EBF1: variants seen among roughly 807,000 people sequenced by gnomAD.
EBF1 encodes the protein EBF transcription factor 1, also known as transcription factor COE1.
A neutral mutation model predicts 68.4 loss-of-function variants in EBF1; 10 were observed. The observed-to-expected ratio is 0.15, with a 90% CI of 0.09 to 0.25. The LOEUF is 0.25. Ranked by LOEUF, EBF1 falls within the 10% of genes least tolerant of loss-of-function variation. The pLI is 1.00. For synonymous variants in EBF1, 298 were observed against 299.8 expected (o/e 0.99, Z 0.06); for missense variants, 509 against 794.4 (o/e 0.64, Z 4.32).
At chr5:159,025,799 C>G (rs17056426) in intron 6 of EBF1, among the ~76,000 whole-genome samples, 7,751 of 152,258 alleles carry the variant, frequency 0.051, 575 homozygotes, top group East Asian at 0.33. Flanking sequence ...TTCCTGCTAA[C>G]TACTGTCACC....
chr5:158,927,530 A>T (rs543186385), intron 6 of EBF1, among the ~76,000 whole-genome samples: 1 of 152,222 alleles, frequency 6.6e-6, no homozygotes, highest in Non-Finnish European at 1.5e-5. Context: ...ACCATTATTC[A>T]TTCTAATAAT....
chr5:159,004,808 G>A (rs1053433855), intron 6 of EBF1, among the ~76,000 whole-genome samples: 1 of 152,146 alleles, frequency 6.6e-6, no homozygotes, highest in African/African-American at 2.4e-5. Flanking sequence ...ATAAGCTTGA[G>A]GTGGAAGTGG....
chr5:158,701,471 C>G (rs183512607), intron 15 of EBF1, among the ~76,000 whole-genome samples: 2 of 152,256 alleles, frequency 1.3e-5, no homozygotes, highest in African/African-American at 4.8e-5. Context: ...GCAAAGCTAA[C>G]TGATGTACCA....
chr5:158,900,958 A>C (rs1438119746), intron 6 of EBF1, among the ~76,000 whole-genome samples: 1 of 149,480 alleles, frequency 6.7e-6, no homozygotes, highest in Non-Finnish European at 1.5e-5. Flanking sequence ...TCTACAAAAA[A>C]CCTTAGAGAT....
At chr5:159,030,961 T>C (rs1768689466) in intron 6 of EBF1, among the ~76,000 whole-genome samples, 1 of 151,964 alleles carries the variant, frequency 6.6e-6, no homozygotes, top group Non-Finnish European at 1.5e-5. Flanking sequence ...TTACCTGAGG[T>C]TGGGAGTTCA....
Position 159,031,655 on chromosome 5 carries a change from C to T in EBF1, c.554+41741G>A, listed in dbSNP as rs1007074407. The stretch of plus-strand genomic sequence containing the variant: ...CATGCATTCAGTCTGAAGCCCAAAT[C>T]GAAAGGTCGCAAACTCACATAAAGC... On this transcript the variant is annotated intron_variant, in intron 6 of 15. Transcript: ENST00000313708. Among the ~76,000 whole-genome samples, 7 of 152,150 alleles carry T rather than the reference C, an allele frequency of 4.6e-5. No individual in the cohort carries two copies. In the East Asian group the frequency reaches 9.6e-4, roughly 21 times the overall value.
Position 158,823,264 on chromosome 5 carries a change from A to T in EBF1, c.690T>A (p.Asp230Glu), listed in dbSNP as rs759764066. ...TGGAATTATTATGGACAAACATGTTATCAGAGACTGCCAGGACATGGCCAT... is the reference window on the plus strand; with the variant it reads ...TGGAATTATTATGGACAAACATGTTTTCAGAGACTGCCAGGACATGGCCAT... ...NVDGHVLAVS[D>E]NMFVHNNSKH... The change falls in exon 8 of 16, where the codon GAT (aspartate) becomes GAA (glutamate). Residue 230 changes from aspartate to glutamate, a missense_variant. Physicochemically the swap from Asp to Glu is conservative, Grantham distance 45 (BLOSUM62 2). Transcript: ENST00000313708. 2 of 1,613,966 alleles carry T rather than the reference A, an allele frequency of 1.2e-6. No homozygotes were observed. The highest frequency in any genetic ancestry group is 3.3e-5 in the Admixed American group (2 of 59,986).
intron 7 of EBF1, among the ~76,000 whole-genome samples, chr5:158,838,404 C>T (rs1407299359): frequency 1.4e-5 from 2 of 146,822 alleles, no homozygotes; most frequent in African/African-American, 5.1e-5. Flanking sequence ...CAAGATTGTG[C>T]CACTGCACTC....
intron 11 of EBF1, among the ~76,000 whole-genome samples, chr5:158,724,633 T>G (rs1380094834): frequency 6.6e-6 from 1 of 152,184 alleles, no homozygotes; most frequent in Non-Finnish European, 1.5e-5. Flanking sequence ...GAATGCTCTT[T>G]AGGGAGGGTG....
intron 4 of EBF1, 92 bp downstream of exon 4, chr5:159,095,528 T>C (rs1782440051): frequency 6.8e-7 from 1 of 1,474,368 alleles, no homozygotes; most frequent in Non-Finnish European, 9.4e-7. Context: ...AGAGTTAGAG[T>C]CCCAGCCCAC....
chr5:158,823,496 G>A (rs545388587), intron 7 of EBF1, among the ~76,000 whole-genome samples, 179 bp from the exon 8 acceptor site: 2 of 152,298 alleles, frequency 1.3e-5, no homozygotes, highest in South Asian at 4.1e-4. Context: ...TGGGTCTTTG[G>A]CATGGAACGC....
At chr5:158,952,097 T>C (rs903396467) in intron 6 of EBF1, among the ~76,000 whole-genome samples, 2 of 152,122 alleles carry the variant, frequency 1.3e-5, no homozygotes, top group African/African-American at 2.4e-5. Context: ...CAACCTGAGC[T>C]CCAGGCAGGG....
Position 159,099,576 on chromosome 5 carries a change from C to T in EBF1, c.-98G>A. On this transcript the variant is annotated 5_prime_UTR_variant, in exon 1 of 16. Coordinates refer to ENST00000313708, the MANE Select transcript of EBF1 (RefSeq NM_024007.5). ...AGAAAGAAAAGAAAAGAAACAAAAA[C>T]GCCAACCAGAGATTTTTTTTTTTCT... 1 of 1,341,650 alleles carries T rather than the reference C, an allele frequency of 7.5e-7. No individual in the cohort carries two copies. Among genetic ancestry groups the T allele is most frequent in the Non-Finnish European group, 9.7e-7 (1 of 1,034,794 alleles). The allele number at this position is 1,341,650 out of a possible 1,614,324, so 83.1% of individuals were successfully genotyped here.
chr5:159,075,117 T>C (rs2127950774), intron 5 of EBF1, among the ~76,000 whole-genome samples: 1 of 152,308 alleles, frequency 6.6e-6, no homozygotes, highest in South Asian at 2.1e-4. Context: ...TTGAGCAAGG[T>C]AATCCACCTC....
At chr5:158,963,869 A>G (rs1438161388) in intron 6 of EBF1, among the ~76,000 whole-genome samples, 1 of 152,206 alleles carries the variant, frequency 6.6e-6, no homozygotes, top group Admixed American at 6.5e-5. Flanking sequence ...TCTTGGAATC[A>G]GACATAGTAC....
intron 6 of EBF1, among the ~76,000 whole-genome samples, chr5:158,863,617 T>C (rs985295655): frequency 5.3e-5 from 8 of 152,198 alleles, no homozygotes; most frequent in African/African-American, 1.9e-4. Context: ...CACGTGTGTG[T>C]GTGCAGAGTA....
chr5:158,902,046 G>A (rs996304016), intron 6 of EBF1, among the ~76,000 whole-genome samples: 1 of 152,056 alleles, frequency 6.6e-6, no homozygotes, highest in African/African-American at 2.4e-5. Flanking sequence ...AGCCAAGATT[G>A]CAACACTGCA....
intron 8 of EBF1, among the ~76,000 whole-genome samples, chr5:158,803,971 T>A (rs1781108564): frequency 1.4e-5 from 2 of 147,286 alleles, no homozygotes; most frequent in Admixed American, 6.9e-5. Flanking sequence ...TGTGTGTGTG[T>A]GTGTGTGTGT....
intron 6 of EBF1, among the ~76,000 whole-genome samples, chr5:158,941,867 C>A (rs1396086277): frequency 6.6e-6 from 1 of 152,180 alleles, no homozygotes; most frequent in African/African-American, 2.4e-5. Context: ...TAAATACATC[C>A]TCTTTTCTAA....
Sources: gnomAD v4.1 joint callset for allele counts (sites outside exome capture counted in the v4.1 genomes callset) on GRCh38, gnomAD v4.1.1 for gene constraint, MANE v1.5 for transcripts, NCBI Gene and HGNC (gene_info 2026-07-23, HGNC 2026-07-21) for gene names.